The following THOC2 variants were observed in gnomAD, a reference collection of about 807,000 sequenced individuals.
THOC2 encodes the protein THO complex 2.
A neutral mutation model predicts 128.4 loss-of-function variants in THOC2; 10 were observed. The observed-to-expected ratio is 0.08, with a 90% CI of 0.05 to 0.13. The LOEUF (loss-of-function observed/expected upper bound fraction) is 0.13. THOC2 is among the 10% of genes least tolerant of loss of function. The pLI is 1.00. For synonymous variants in THOC2, 393 were observed against 396.9 expected (o/e 0.99, Z 0.12); for missense variants, 535 against 1,155.7 (o/e 0.46, Z 7.79).
At chrX:123,641,452 C>T (rs752335812) in intron 15 of THOC2, among the ~76,000 whole-genome samples, 2 of 112,266 alleles carry the variant, frequency 1.8e-5, no homozygotes, top group East Asian at 5.6e-4. Flanking sequence ...ACAAAACTGG[C>T]CCCATCAATC....
intron 22 of THOC2, among the ~76,000 whole-genome samples, chrX:123,628,197 G>C (rs749744320): frequency 9.0e-6 from 1 of 111,697 alleles, no homozygotes; most frequent in African/African-American, 3.3e-5. Context: ...GAGATTCTCA[G>C]AGGGTTCTTA....
chrX:123,710,730 C>A (rs2051144683), intron 2 of THOC2, among the ~76,000 whole-genome samples: 1 of 109,855 alleles, frequency 9.1e-6, no homozygotes, highest in Non-Finnish European at 1.9e-5. Context: ...TGGCTCACGC[C>A]TGTAATCCCA....
At chrX:123,690,363 G>C (rs2050171096) in intron 7 of THOC2, among the ~76,000 whole-genome samples, 1 of 111,932 alleles carries the variant, frequency 8.9e-6, no homozygotes, top group Non-Finnish European at 1.9e-5. Context: ...TTAAATATAA[G>C]CATTCTACTA....
intron 33 of THOC2, among the ~76,000 whole-genome samples, chrX:123,616,402 T>C (rs1395862610): frequency 9.0e-6 from 1 of 111,389 alleles, no homozygotes; most frequent in Non-Finnish European, 1.9e-5. Context: ...CTGGGTTTTG[T>C]TCTTGATTGG....
intron 22 of THOC2, 27 bp from the exon 23 acceptor site, chrX:123,627,995 C>T: frequency 1.9e-6 from 2 of 1,069,775 alleles, no homozygotes; most frequent in Non-Finnish European, 2.6e-6. Context: ...AAAATACATA[C>T]ATACATACAC....
rs901033157 is a variant in THOC2, at chrX:123,601,831, A to G, written c.*19-493T>C. On this transcript the variant is annotated intron_variant, in intron 38 of 38. Transcript: ENST00000245838. ...AATAGAAAATGTAGCAAAGAAAAGT[A>G]ACCTATTTTACATGATCAACAAAAA... The G allele has an allele frequency of 3.6e-5, 4 of 112,065 alleles. No homozygotes were observed. In the East Asian group the frequency reaches 8.4e-4, roughly 23 times the overall value. The allele number at this position is 112,065 out of a possible 1,213,427, so 9.2% of individuals were successfully genotyped here.
chrX:123,703,725 CAAAAAAAA>C lies in THOC2; in HGVS notation c.223-228_223-221del, dbSNP rs761049104. On this transcript the variant is annotated intron_variant, in intron 3 of 38. Coordinates refer to ENST00000245838, the MANE Select transcript of THOC2 (RefSeq NM_001081550.2). ...CCATGTGGTGAAACCCCATCTCTAC[CAAAAAAAA>C]AAAAAAAAAAAAAAAAAAATTAGCC... 7.3e-3 allele frequency among the ~76,000 whole-genome samples: 216 copies of C among 29,783 alleles called. 4 individuals are homozygous for C. In the East Asian group the frequency reaches 0.15, roughly 21 times the overall value. 25.9% of individuals were successfully genotyped at this position (29,783 alleles called of 115,157 possible). A position where few individuals can be genotyped will look rare whatever the true frequency, so the allele number is the denominator to read the frequency against.
chrX:123,646,324 G>A (rs2048125562), intron 12 of THOC2, among the ~76,000 whole-genome samples: 1 of 112,277 alleles, frequency 8.9e-6, no homozygotes, highest in African/African-American at 3.2e-5. Flanking sequence ...ATGAAACAGT[G>A]AATGATACTT....
At chrX:123,666,015 T>G (rs755709540) in intron 11 of THOC2, among the ~76,000 whole-genome samples, 178 bp from the exon 12 acceptor site, 11 of 111,029 alleles carry the variant, frequency 9.9e-5, no homozygotes, top group Non-Finnish European at 2.1e-4. Flanking sequence ...TTACACCAGA[T>G]AATTCTCAAC....
intron 12 of THOC2, among the ~76,000 whole-genome samples, chrX:123,655,210 C>T (rs776458255): frequency 4.5e-5 from 5 of 111,898 alleles, no homozygotes; most frequent in African/African-American, 1.3e-4. Flanking sequence ...GTGCCACGTA[C>T]AGACTAAAAC....
chrX:123,644,687 G>A lies in THOC2; in HGVS notation c.1560-11C>T, dbSNP rs952563771. Reference sequence around the variant, plus strand: ...CCATACAGACGATATCTTAAAAAACGATGAGATGAAGAATTAGGAAAAGTT... The same window carrying A: ...CCATACAGACGATATCTTAAAAAACAATGAGATGAAGAATTAGGAAAAGTT... On this transcript the variant is annotated splice_polypyrimidine_tract_variant and intron_variant, in intron 14 of 38. Coordinates refer to ENST00000245838, the MANE Select transcript of THOC2 (RefSeq NM_001081550.2). 6.8e-6 allele frequency: 8 copies of A among 1,180,982 alleles called. No individual in the cohort carries two copies. Among genetic ancestry groups the A allele is most frequent in the Non-Finnish European group, 9.1e-6 (8 of 875,088 alleles).
At position 123,623,995 on chromosome X, in the gene THOC2, A is replaced by G. The variant is rs777798687; in HGVS notation, c.3319-24T>C. 5.1e-6 allele frequency: 6 copies of G among 1,183,965 alleles called. No individual in the cohort carries two copies. In the South Asian group the frequency reaches 7.8e-5, roughly 15 times the overall value. On this transcript the variant is annotated intron_variant, in intron 27 of 38. Coordinates refer to ENST00000245838, the MANE Select transcript of THOC2 (RefSeq NM_001081550.2). ...GCCTACAACAAACATTTTCAGATCC[A>G]TTATTATAAAAGCACAAGTATACAG... is the stretch of plus-strand genomic sequence containing the variant.
chrX:123,683,325 G>C (rs774319729), intron 8 of THOC2, among the ~76,000 whole-genome samples: 1 of 110,620 alleles, frequency 9.0e-6, no homozygotes, highest in African/African-American at 3.3e-5. Flanking sequence ...ATCCAAATAA[G>C]ACCCAGCTGG....
intron 7 of THOC2, among the ~76,000 whole-genome samples, chrX:123,695,106 C>A (rs1365793450): frequency 8.9e-6 from 1 of 111,959 alleles, no homozygotes; most frequent in Non-Finnish European, 1.9e-5. Context: ...GACACCTTCT[C>A]CCTCTTTCTT....
intron 12 of THOC2, among the ~76,000 whole-genome samples, chrX:123,656,151 C>A (rs2048564289): frequency 9.3e-6 from 1 of 107,827 alleles, no homozygotes; most frequent in South Asian, 4.1e-4. Flanking sequence ...GGAGAAACCT[C>A]GTCTGTACTA....
chrX:123,700,276 G>A (rs958102905), intron 4 of THOC2, among the ~76,000 whole-genome samples: 6 of 108,690 alleles, frequency 5.5e-5, no homozygotes, highest in Non-Finnish European at 1.1e-4. Flanking sequence ...CAAGGCAGGC[G>A]GATCACCTGA....
intron 12 of THOC2, among the ~76,000 whole-genome samples, chrX:123,656,813 T>C (rs186595397): frequency 2.7e-3 from 298 of 110,864 alleles, no homozygotes; most frequent in African/African-American, 9.2e-3. Context: ...AGTTCAAAAC[T>C]AGCCTGGCCA....
intron 15 of THOC2, among the ~76,000 whole-genome samples, chrX:123,641,393 G>C (rs1375546064): frequency 2.7e-5 from 3 of 112,112 alleles, no homozygotes; most frequent in African/African-American, 6.5e-5. Context: ...TAATTCAGGA[G>C]ATGTGACCAT....
chrX:123,630,474 G>A (rs1260258799), intron 22 of THOC2, among the ~76,000 whole-genome samples: 24 of 109,019 alleles, frequency 2.2e-4, no homozygotes, highest in Non-Finnish European at 1.5e-4. Context: ...TTAGCTGGGT[G>A]TGGTGGCGGG....
Sources: allele counts gnomAD v4.1 joint callset (sites outside exome capture counted in the v4.1 genomes callset), GRCh38; gene constraint gnomAD v4.1.1; transcripts MANE v1.5; gene names NCBI Gene and HGNC (gene_info 2026-07-23, HGNC 2026-07-21).